LRP4: variants seen among roughly 807,000 people sequenced by gnomAD.
LRP4 encodes LDL receptor related protein 4, also known as low-density lipoprotein receptor-related protein 4.
Under a neutral mutation model 220.3 loss-of-function variants are expected in LRP4, and 95 were observed. The ratio of observed to expected loss-of-function variants is 0.43; its 90% CI spans 0.37 to 0.51. The LOEUF (loss-of-function observed/expected upper bound fraction) is 0.51, where lower values mean the gene tolerates loss of function less well. Ranked by LOEUF, LRP4 falls within the 20% of genes least tolerant of loss-of-function variation. The probability of loss-of-function intolerance (pLI) is 0.00; values close to 1 mark genes in which losing one functional copy is unlikely to be tolerated. For synonymous variants in LRP4, 903 were observed against 954.6 expected, an observed-to-expected ratio of 0.95 and a Z score of 1.00; for missense variants, 1,925 against 2,567.0, an observed-to-expected ratio of 0.75 and a Z score of 5.40.
Position 46,883,773 on chromosome 11 carries a change from A to G in LRP4, c.2612+98T>C. ...TGCTCTTGCTTCCTTGGGCATATCC[A>G]TAAGATCTGGTCACTCTTCCTAATC... On this transcript the variant is annotated intron_variant, in intron 19 of 37. Transcript: ENST00000378623. The G allele has an allele frequency of 6.3e-6, 6 of 951,858 alleles. No individual in the cohort carries two copies. The South Asian group carries it at 8.8e-5, about 14-fold the overall frequency. 59.0% of individuals were successfully genotyped at this position (951,858 alleles called of 1,614,324 possible). A position where few individuals can be genotyped will look rare whatever the true frequency, so the allele number is the denominator to read the frequency against.
intron 19 of LRP4, among the ~76,000 whole-genome samples, chr11:46,882,445 C>T (rs1941183238): frequency 6.6e-6 from 1 of 151,158 alleles, no homozygotes; most frequent in Non-Finnish European, 1.5e-5. Flanking sequence ...CCACTGCACT[C>T]CAGCCTGGGC....
chr11:46,914,291 C>T (rs1941914182), intron 1 of LRP4, among the ~76,000 whole-genome samples: 1 of 152,110 alleles, frequency 6.6e-6, no homozygotes. Flanking sequence ...AGATTCAAAC[C>T]CAGGTCTGTG....
At chr11:46,880,010 C>A (rs1431842433) in intron 20 of LRP4, among the ~76,000 whole-genome samples, 1 of 152,086 alleles carries the variant, frequency 6.6e-6, no homozygotes, top group African/African-American at 2.4e-5. Context: ...GAGGCTGAGG[C>A]AGGAGAATTG....
At chr11:46,900,429 C>T (rs1295583961) in intron 2 of LRP4, 51 bp from the exon 3 acceptor site, 1 of 1,139,136 alleles carries the variant, frequency 8.8e-7, no homozygotes, top group Admixed American at 1.7e-5. Context: ...TATTCTTACT[C>T]AGGCTCAACT....
Position 46,875,472 on chromosome 11 carries a change from G to A in LRP4, c.3909C>T (p.Asp1303=). The A allele has an allele frequency of 6.2e-7, 1 of 1,613,974 alleles. No homozygotes were observed. Among genetic ancestry groups the A allele is most frequent in the Non-Finnish European group, 8.5e-7 (1 of 1,179,980 alleles). The change falls in exon 27 of 38, where the codon GAC becomes GAT. Residue 1303 remains aspartate (D), a synonymous_variant. Transcript: ENST00000378623. The surrounding 1 kb of genome is among the most constrained non-coding windows in gnomAD (Gnocchi z 4.5). The stretch of plus-strand genomic sequence containing the variant: ...GACTCTCACCTAGTGGCTGTGCCCG[G>A]TCCACAGCCTGCATGTCCATGAGGC... The part of the protein sequence containing the change: ...LPGLMDMQAV[D]RAQPLGFNKC...
intron 7 of LRP4, 148 bp from the exon 8 acceptor site, chr11:46,897,142 G>T: frequency 9.7e-7 from 1 of 1,034,188 alleles, no homozygotes; most frequent in Non-Finnish European, 1.4e-6. Context: ...GTGTGAATCA[G>T]AAAAAAGTAT....
intron 12 of LRP4, 81 bp downstream of exon 12, chr11:46,894,508 G>A: frequency 9.0e-7 from 1 of 1,108,822 alleles, no homozygotes; most frequent in Non-Finnish European, 1.3e-6. Flanking sequence ...CCTAAGGTTT[G>A]CAAACCACTG....
chr11:46,867,846 T>C (rs1940744934), intron 34 of LRP4, 133 bp downstream of exon 34: 3 of 1,059,504 alleles, frequency 2.8e-6, no homozygotes. Context: ...TCACCTTCTG[T>C]CCCAAATAAC....
intron 13 of LRP4, among the ~76,000 whole-genome samples, chr11:46,891,767 C>T (rs1941429749): frequency 6.6e-6 from 1 of 152,044 alleles, no homozygotes; most frequent in Non-Finnish European, 1.5e-5. Context: ...AGGCATGCAT[C>T]AATAAGTCCA....
intron 35 of LRP4, among the ~76,000 whole-genome samples, chr11:46,864,887 C>T (rs1940654121): frequency 6.6e-6 from 1 of 152,168 alleles, no homozygotes; most frequent in South Asian, 2.1e-4. Flanking sequence ...TATGCATGTG[C>T]ACACACATAT....
chr11:46,877,285 A>G lies in LRP4; in HGVS notation c.3191T>C (p.Leu1064Pro). The G allele has an allele frequency of 6.2e-7, 1 of 1,614,136 alleles. No homozygotes were observed. The highest frequency in any genetic ancestry group is 8.5e-7 in the Non-Finnish European group (1 of 1,179,988). The change falls in exon 23 of 38, where the codon CTG (leucine) becomes CCG (proline). Residue 1064 changes from leucine to proline, a missense_variant. This residue lies in a region of LRP4 where 1,244 missense variants were observed against 1,624.9 expected (regional missense o/e 0.77). Coordinates refer to ENST00000378623, the MANE Select transcript of LRP4 (RefSeq NM_002334.4). ...CACATCAGCAAAATAAGGGATGTCC[A>G]GGGAGACCATGCGAATGTCTATCCT... is the stretch of plus-strand genomic sequence containing the variant. ...ARRIDIRMVS[L>P]DIPYFADVVV...
chr11:46,858,828 G>A lies in LRP4; in HGVS notation c.*155C>T, dbSNP rs1023951338. On this transcript the variant is annotated 3_prime_UTR_variant, in exon 38 of 38. Coordinates refer to ENST00000378623, the MANE Select transcript of LRP4 (RefSeq NM_002334.4). The stretch of plus-strand genomic sequence containing the variant: ...TGCACAGGTAGTTATGGACTCACGT[G>A]GTAAACAGCTCCGGTGAAGGCTTAG... 1 of 735,924 alleles carries A rather than the reference G, an allele frequency of 1.4e-6. No individual in the cohort carries two copies. 45.6% of individuals were successfully genotyped at this position (735,924 alleles called of 1,614,324 possible). A position where few individuals can be genotyped will look rare whatever the true frequency, so the allele number is the denominator to read the frequency against.
chr11:46,886,372 T>C lies in LRP4; in HGVS notation c.2377A>G (p.Ser793Gly), dbSNP rs1941292652. Reference protein sequence around the residue: ...RDDHVYWTDVSTDTISRAKWD... With the variant: ...RDDHVYWTDVGTDTISRAKWD... ...TTGGCCCTGCTGATGGTATCAGTGC[T>C]GACATCTGTCCAGTACACGTGGTCA... Residue 793 changes from serine (S) to glycine (G), a missense_variant, in exon 17 of 38, where the codon AGC becomes GGC. Physicochemically the swap from Ser to Gly is moderately conservative, Grantham distance 56. Transcript: ENST00000378623. 1 of 1,605,640 alleles carries C rather than the reference T, an allele frequency of 6.2e-7. No homozygotes were observed. Among genetic ancestry groups the C allele is most frequent in the Non-Finnish European group, 8.5e-7 (1 of 1,175,554 alleles).
intron 1 of LRP4, among the ~76,000 whole-genome samples, chr11:46,913,909 GA>G (rs1941908809): frequency 1.3e-5 from 2 of 152,164 alleles, no homozygotes; most frequent in African/African-American, 2.4e-5. Flanking sequence ...AGGGGAGAAA[GA>G]AGGGGCAGAT....
intron 1 of LRP4, among the ~76,000 whole-genome samples, chr11:46,914,921 G>A (rs1408071042): frequency 6.6e-6 from 1 of 151,964 alleles, no homozygotes; most frequent in Non-Finnish European, 1.5e-5. Context: ...GCAGTTAATC[G>A]GTAGAAAGAG....
chr11:46,886,264 G>T lies in LRP4; in HGVS notation c.2424+61C>A, dbSNP rs1592532910. 2.5e-6 allele frequency: 4 copies of T among 1,601,014 alleles called. No homozygotes were observed. In the East Asian group the frequency reaches 9.0e-5, roughly 36 times the overall value. On this transcript the variant is annotated intron_variant, in intron 17 of 37. Coordinates refer to ENST00000378623, the MANE Select transcript of LRP4 (RefSeq NM_002334.4). ...CAATTCTCAAGGTTGGCAAAGGTAT[G>T]GGAAGCCCTTCCCTGGAGAGGGTGG...
intron 1 of LRP4, among the ~76,000 whole-genome samples, chr11:46,910,679 C>CTTTTTTT: frequency 1.4e-4 from 1 of 6,992 alleles, no homozygotes; most frequent in African/African-American, 3.9e-4. Context: ...ATCCTTGCCC[C>CTTTTTTT]CTTTTTTTTT....
Position 46,918,462 on chromosome 11 carries a change from G to A in LRP4, c.-83C>T. The A allele has an allele frequency of 2.8e-6, 3 of 1,086,666 alleles. No homozygotes were observed. Among genetic ancestry groups the A allele is most frequent in the South Asian group, 3.3e-5 (1 of 30,682 alleles). The allele number at this position is 1,086,666 out of a possible 1,614,324, so 67.3% of individuals were successfully genotyped here. On this transcript the variant is annotated 5_prime_UTR_variant, in exon 1 of 38. Coordinates refer to ENST00000378623, the MANE Select transcript of LRP4 (RefSeq NM_002334.4). The surrounding 1 kb of genome is among the most constrained non-coding windows in gnomAD (Gnocchi z 6.0). Reference sequence around the variant, plus strand: ...GAGAAGCCCGCGGAGGGTCCCCGAGGGGGAAGCGTCCCGGGTGCACGGCGG... The same window carrying A: ...GAGAAGCCCGCGGAGGGTCCCCGAGAGGGAAGCGTCCCGGGTGCACGGCGG...
intron 18 of LRP4, among the ~76,000 whole-genome samples, chr11:46,884,898 C>T (rs1003157663): frequency 6.6e-6 from 1 of 151,936 alleles, no homozygotes; most frequent in Non-Finnish European, 1.5e-5. Flanking sequence ...GGCAGCAGAG[C>T]GAGACTCCAT....
Sources: allele counts gnomAD v4.1 joint callset (sites outside exome capture counted in the v4.1 genomes callset), GRCh38; gene constraint gnomAD v4.1.1; regional missense constraint gnomAD v4.1.1; non-coding constraint Gnocchi (gnomAD v3.1); transcripts MANE v1.5; gene names NCBI Gene and HGNC (gene_info 2026-07-23, HGNC 2026-07-21).